BCAS3: variants seen among roughly 807,000 people sequenced by gnomAD.
BCAS3 encodes the protein BCAS3 microtubule associated cell migration factor, also known as BCAS4/BCAS3 fusion.
BCAS3 carries 53 observed loss-of-function variants against 116.1 expected under a neutral mutation model. That is an observed-to-expected ratio of 0.46 (90% CI 0.37 to 0.57). BCAS3 has a LOEUF of 0.57. Among genes scored for constraint, BCAS3 ranks in the 20% least tolerant of loss-of-function variants. The pLI, the probability that BCAS3 is intolerant of heterozygous loss-of-function variation, is 0.00. For synonymous variants in BCAS3, 391 were observed against 408.2 expected (o/e 0.96, Z 0.51); for missense variants, 917 against 1,165.4 (o/e 0.79, Z 3.10).
In BCAS3 at chr17:61,315,966, T is replaced by C. The variant is rs911629442; in HGVS notation, c.2426-52361T>C. Among the ~76,000 whole-genome samples, 3 of 152,176 alleles carry C rather than the reference T, an allele frequency of 2.0e-5. No individual in the cohort carries two copies. Among genetic ancestry groups the C allele is most frequent in the East Asian group, 1.9e-4 (1 of 5,192 alleles). ...CTGAACCTCTTTAGGACCAGGATTT[T>C]CCCTTTTCATGTGTGTTTTCCAGTG... On this transcript the variant is annotated intron_variant, in intron 22 of 23. Transcript: ENST00000407086. This position sits in a 1 kb window ranked among gnomAD's most constrained non-coding sequence, Gnocchi z 5.3.
Position 61,332,325 on chromosome 17 carries a change from G to A in BCAS3, c.2426-36002G>A, listed in dbSNP as rs2056361220. Among the ~76,000 whole-genome samples, 1 of 152,086 alleles carries A rather than the reference G, an allele frequency of 6.6e-6. No homozygotes were observed. Among genetic ancestry groups the A allele is most frequent in the South Asian group, 2.1e-4 (1 of 4,818 alleles). On this transcript the variant is annotated intron_variant, in intron 22 of 23. Coordinates refer to ENST00000407086, the MANE Select transcript of BCAS3 (RefSeq NM_017679.5). This position sits in a 1 kb window ranked among gnomAD's most constrained non-coding sequence, Gnocchi z 5.4. ...AGCGCTCAGACACCTAGTCATCCAG[G>A]CCCTGAACATCCTGCTCTGACTACA...
intron 22 of BCAS3, among the ~76,000 whole-genome samples, chr17:61,218,911 A>C (rs550982031): frequency 6.6e-6 from 1 of 152,298 alleles, no homozygotes; most frequent in South Asian, 2.1e-4. Flanking sequence ...AACCAAAAGA[A>C]AGAGCTACTA....
At chr17:61,277,792 G>A (rs1379812401) in intron 22 of BCAS3, among the ~76,000 whole-genome samples, 1 of 152,154 alleles carries the variant, frequency 6.6e-6, no homozygotes, top group Non-Finnish European at 1.5e-5. Flanking sequence ...ACCACAAGCA[G>A]ATACTACTTG....
chr17:61,067,070 T>G (rs1235080097), intron 19 of BCAS3, among the ~76,000 whole-genome samples: 2 of 151,498 alleles, frequency 1.3e-5, no homozygotes, highest in East Asian at 3.9e-4. Flanking sequence ...TTTAAAATTC[T>G]TTACACATTG....
Position 61,122,015 on chromosome 17 carries a change from A to AC in BCAS3, c.2425+37452dup, listed in dbSNP as rs2075817839. The stretch of plus-strand genomic sequence containing the variant: ...AATGCTGGGATTACAGGCGTGAGCC[A>AC]CTGTGCCCGGCCAAAAACATATGAT... On this transcript the variant is annotated intron_variant, in intron 22 of 23. Coordinates refer to ENST00000407086, the MANE Select transcript of BCAS3 (RefSeq NM_017679.5). The surrounding 1 kb of genome is among the most constrained non-coding windows in gnomAD (Gnocchi z 4.6). 1.3e-5 allele frequency among the ~76,000 whole-genome samples: 2 copies of AC among 152,360 alleles called. No homozygotes were observed.
intron 22 of BCAS3, among the ~76,000 whole-genome samples, chr17:61,298,566 G>T (rs1170646889): frequency 1.3e-5 from 2 of 152,138 alleles, no homozygotes; most frequent in Non-Finnish European, 2.9e-5. Context: ...TGATCCTCTA[G>T]CTCACATTCT....
chr17:61,004,617 C>G lies in BCAS3; in HGVS notation c.1487-11134C>G, dbSNP rs2064518032. 1.3e-5 allele frequency among the ~76,000 whole-genome samples: 2 copies of G among 152,086 alleles called. No individual in the cohort carries two copies. Among genetic ancestry groups the G allele is most frequent in the South Asian group, 4.1e-4 (2 of 4,826 alleles). On this transcript the variant is annotated intron_variant, in intron 15 of 23. Coordinates refer to ENST00000407086, the MANE Select transcript of BCAS3 (RefSeq NM_017679.5). The surrounding 1 kb of genome is among the most constrained non-coding windows in gnomAD (Gnocchi z 4.8). Reference sequence around the variant, plus strand: ...GGATCAGGGCTATACCAGGATTATGCACAGAAGTAGAAATTTTGATGGTTC... The same window carrying G: ...GGATCAGGGCTATACCAGGATTATGGACAGAAGTAGAAATTTTGATGGTTC...
intron 22 of BCAS3, among the ~76,000 whole-genome samples, chr17:61,247,054 T>G (rs7219298): frequency 0.086 from 13,046 of 152,200 alleles, 684 homozygotes; most frequent in African/African-American, 0.15. Flanking sequence ...ATTTTTTAAG[T>G]ACAGTGTATA....
rs371055199 is a variant in BCAS3 at position 61,013,542 on chromosome 17, C to A, written c.1487-2209C>A. On this transcript the variant is annotated intron_variant, in intron 15 of 23. Coordinates refer to ENST00000407086, the MANE Select transcript of BCAS3 (RefSeq NM_017679.5). The surrounding 1 kb of genome is among the most constrained non-coding windows in gnomAD (Gnocchi z 4.4). ...CAAATATAATATTTTAATGTGATTTCCCTCTTCATATTTTCTACAAGGTTC... is the reference window on the plus strand; with the variant it reads ...CAAATATAATATTTTAATGTGATTTACCTCTTCATATTTTCTACAAGGTTC... 3.3e-5 allele frequency among the ~76,000 whole-genome samples: 5 copies of A among 151,978 alleles called. No individual in the cohort carries two copies. Among genetic ancestry groups the A allele is most frequent in the African/African-American group, 1.2e-4 (5 of 41,460 alleles).
At chr17:61,047,658 A>G (rs1029079454) in intron 19 of BCAS3, among the ~76,000 whole-genome samples, 6 of 152,044 alleles carry the variant, frequency 3.9e-5, no homozygotes, top group African/African-American at 1.4e-4. Context: ...TTTGCCAAAA[A>G]CAAAGATAAA....
intron 9 of BCAS3, among the ~76,000 whole-genome samples, chr17:60,882,391 G>T (rs199758374): frequency 1 from 145,082 of 145,182 alleles, 72,491 homozygotes; most frequent in Middle Eastern, 1. Flanking sequence ...TTTTGTAGGT[G>T]GCCTGTTCAC....
At chr17:60,891,724 G>A (rs2057164959) in intron 10 of BCAS3, 1 of 455,832 alleles carries the variant, frequency 2.2e-6, no homozygotes, top group African/African-American at 2.0e-5. Context: ...GTAAGGGTGG[G>A]GATTCAGCTT....
chr17:60,855,010 T>A (rs1402812133), intron 7 of BCAS3, among the ~76,000 whole-genome samples: 2 of 134,890 alleles, frequency 1.5e-5, no homozygotes, highest in Non-Finnish European at 3.0e-5. Context: ...AGTGCAGTGG[T>A]GCGATCTCAG....
At chr17:60,942,395 C>G (rs1427406892) in intron 13 of BCAS3, among the ~76,000 whole-genome samples, 1 of 152,062 alleles carries the variant, frequency 6.6e-6, no homozygotes, top group Non-Finnish European at 1.5e-5. Flanking sequence ...CCACTGCACT[C>G]CAGCCTGGGT....
chr17:61,305,987 C>A (rs980066538), intron 22 of BCAS3, among the ~76,000 whole-genome samples: 11 of 152,200 alleles, frequency 7.2e-5, no homozygotes, highest in Non-Finnish European at 4.4e-5. Context: ...AAGAGATAAT[C>A]CTGTGTGCTT....
Position 61,211,058 on chromosome 17 carries a change from C to A in BCAS3, c.2425+126494C>A, listed in dbSNP as rs1206881634. 6.6e-6 allele frequency among the ~76,000 whole-genome samples: 1 copy of A among 152,028 alleles called. No homozygotes were observed. Among genetic ancestry groups the A allele is most frequent in the Admixed American group, 6.6e-5 (1 of 15,266 alleles). On this transcript the variant is annotated intron_variant, in intron 22 of 23. Coordinates refer to ENST00000407086, the MANE Select transcript of BCAS3 (RefSeq NM_017679.5). This position sits in a 1 kb window ranked among gnomAD's most constrained non-coding sequence, Gnocchi z 4.4. ...TCTTCCCCAAGCTAGGGTCCCAGCG[C>A]TGGGTGGGGGACAGGAGAAAAGGCC...
At chr17:60,785,361 G>C (rs1434325375) in intron 6 of BCAS3, among the ~76,000 whole-genome samples, 2 of 151,974 alleles carry the variant, frequency 1.3e-5, no homozygotes, top group Non-Finnish European at 2.9e-5. Context: ...GTTTCACCAT[G>C]TTGGTCAGGC....
At chr17:60,800,635 A>G (rs976004923) in intron 6 of BCAS3, among the ~76,000 whole-genome samples, 1 of 152,168 alleles carries the variant, frequency 6.6e-6, no homozygotes, top group African/African-American at 2.4e-5. Flanking sequence ...CTTATGGATC[A>G]TACTTTTTAG....
intron 5 of BCAS3, among the ~76,000 whole-genome samples, chr17:60,728,298 C>T (rs1316770728): frequency 1.3e-5 from 2 of 152,054 alleles, no homozygotes; most frequent in African/African-American, 2.4e-5. Flanking sequence ...TTGCCTTTTC[C>T]ATGTAGTTGG....
Sources: gnomAD v4.1 joint callset for allele counts (sites outside exome capture counted in the v4.1 genomes callset) on GRCh38, gnomAD v4.1.1 for gene constraint, Gnocchi (gnomAD v3.1) non-coding constraint, MANE v1.5 for transcripts, NCBI Gene and HGNC (gene_info 2026-07-23, HGNC 2026-07-21) for gene names.